The following ADAM12 variants were observed in gnomAD, a reference collection of about 807,000 sequenced individuals.
ADAM12 encodes the protein disintegrin and metalloproteinase domain-containing protein 12.
Under a neutral mutation model 106.4 loss-of-function variants are expected in ADAM12, and 70 were observed. The observed-to-expected ratio is 0.66, with a 90% CI of 0.54 to 0.80. ADAM12 has a LOEUF of 0.80. Ranked by LOEUF, ADAM12 falls within the 30% of genes least tolerant of loss-of-function variation. The pLI is 0.00. For synonymous variants in ADAM12, 420 were observed against 433.5 expected (o/e 0.97, Z 0.39); for missense variants, 1,010 against 1,171.9 (o/e 0.86, Z 2.02).
intron 1 of ADAM12, among the ~76,000 whole-genome samples, chr10:126,347,198 G>T (rs1165808711): frequency 6.6e-6 from 1 of 152,206 alleles, no homozygotes; most frequent in Non-Finnish European, 1.5e-5. Context: ...TCCTTCAGGA[G>T]CTCTTTTAGG....
intron 3 of ADAM12, among the ~76,000 whole-genome samples, chr10:126,211,431 A>G (rs1315069218): frequency 6.6e-6 from 1 of 152,216 alleles, no homozygotes; most frequent in African/African-American, 2.4e-5. Flanking sequence ...ACATATTCTC[A>G]AAGGAGAAAG....
At chr10:126,047,565 A>C (rs1878032) in intron 16 of ADAM12, among the ~76,000 whole-genome samples, 38,047 of 152,008 alleles carry the variant, frequency 0.25, 5,696 homozygotes, top group East Asian at 0.54. Flanking sequence ...GTCCAGATGC[A>C]CCTGGCCCTG....
chr10:126,294,450 A>T (rs1023575943), intron 2 of ADAM12, among the ~76,000 whole-genome samples: 8 of 152,204 alleles, frequency 5.3e-5, no homozygotes, highest in African/African-American at 1.9e-4. Context: ...AAAATGTCAC[A>T]GCATTTAAGG....
chr10:126,179,455 C>CT, intron 3 of ADAM12, among the ~76,000 whole-genome samples: 1 of 152,154 alleles, frequency 6.6e-6, no homozygotes, highest in East Asian at 1.9e-4. Flanking sequence ...GTAATGGCCA[C>CT]TCTGATAAAA....
At chr10:126,265,200 G>C (rs1482568579) in intron 3 of ADAM12, among the ~76,000 whole-genome samples, 1 of 152,180 alleles carries the variant, frequency 6.6e-6, no homozygotes, top group Non-Finnish European at 1.5e-5. Context: ...GAATACAGTG[G>C]CTACCCACTG....
At chr10:126,143,154 G>T (rs1036195869) in intron 4 of ADAM12, among the ~76,000 whole-genome samples, 3 of 150,998 alleles carry the variant, frequency 2.0e-5, no homozygotes, top group African/African-American at 7.3e-5. Context: ...GTGTATATAT[G>T]CACGTGTATA....
chr10:126,348,885 C>T (rs760309675), intron 1 of ADAM12, among the ~76,000 whole-genome samples: 6 of 152,096 alleles, frequency 3.9e-5, no homozygotes, highest in African/African-American at 7.2e-5. Context: ...GATATAATTA[C>T]GCTAAGAAAA....
chr10:126,129,095 G>A (rs1393882674), intron 5 of ADAM12, among the ~76,000 whole-genome samples: 1 of 152,256 alleles, frequency 6.6e-6, no homozygotes, highest in Non-Finnish European at 1.5e-5. Context: ...TAGCAAGTGA[G>A]CTTGGCTCAG....
At chr10:126,033,112 A>G (rs1953998032) in intron 21 of ADAM12, among the ~76,000 whole-genome samples, 2 of 152,232 alleles carry the variant, frequency 1.3e-5, no homozygotes, top group South Asian at 4.1e-4. Flanking sequence ...AATACAGTGA[A>G]CAGCAGTGGT....
chr10:126,143,426 T>C lies in ADAM12; in HGVS notation c.340-7766A>G, dbSNP rs190622470. ...TGGTGTGCAGATGTGTGAATGTGTG[T>C]ATATGTATGTGTGTATATGGTGTGC... On this transcript the variant is annotated intron_variant, in intron 4 of 22. Coordinates refer to ENST00000448723, the MANE Select transcript of ADAM12 (RefSeq NM_001288973.2). 7.2e-4 allele frequency among the ~76,000 whole-genome samples: 109 copies of C among 151,652 alleles called. 2 individuals carry two copies. The highest frequency in any genetic ancestry group is 6.8e-3 in the Middle Eastern group (2 of 292).
chr10:126,014,596 G>C lies in ADAM12; in HGVS notation c.*2683C>G, dbSNP rs898325463. On this transcript the variant is annotated 3_prime_UTR_variant, in exon 23 of 23. Transcript: ENST00000448723. Reference sequence around the variant, plus strand: ...GAGAATGTTAGGCTTCGTTTCCCTCGGTTGCTACACATCTGATTACATGTG... The same window carrying C: ...GAGAATGTTAGGCTTCGTTTCCCTCCGTTGCTACACATCTGATTACATGTG... 6.6e-6 allele frequency: 1 copy of C among 151,976 alleles called. No individual in the cohort carries two copies. Among genetic ancestry groups the C allele is most frequent in the East Asian group, 1.9e-4 (1 of 5,166 alleles). The allele number at this position is 151,976 out of a possible 1,614,324, so 9.4% of individuals were successfully genotyped here. A position where few individuals can be genotyped will look rare whatever the true frequency, so the allele number is the denominator to read the frequency against.
chr10:126,097,024 C>A (rs557042077), intron 10 of ADAM12, among the ~76,000 whole-genome samples: 3 of 152,312 alleles, frequency 2.0e-5, no homozygotes, highest in African/African-American at 4.8e-5. Flanking sequence ...GCCGCTTACT[C>A]TGGTGAGATG....
intron 21 of ADAM12, among the ~76,000 whole-genome samples, chr10:126,035,059 C>T (rs1314757311): frequency 1.3e-5 from 2 of 152,092 alleles, no homozygotes; most frequent in Admixed American, 6.6e-5. Context: ...CCAACATCTC[C>T]TCTTGGTAAC....
At chr10:126,020,291 C>T (rs187764574) in intron 21 of ADAM12, among the ~76,000 whole-genome samples, 36 of 152,330 alleles carry the variant, frequency 2.4e-4, no homozygotes, top group Admixed American at 1.8e-3. Context: ...CAGTCTGCCA[C>T]GTGCAGGCGC....
chr10:126,030,784 G>A (rs1242983652), intron 21 of ADAM12, among the ~76,000 whole-genome samples: 2 of 152,152 alleles, frequency 1.3e-5, no homozygotes, highest in African/African-American at 4.8e-5. Flanking sequence ...GGAAGTATTG[G>A]GTAGGTGGCA....
At chr10:126,287,557 A>G (rs1959928210) in intron 2 of ADAM12, among the ~76,000 whole-genome samples, 1 of 152,028 alleles carries the variant, frequency 6.6e-6, no homozygotes, top group Non-Finnish European at 1.5e-5. Context: ...TGTGCTTAGA[A>G]CAAAACCACG....
At chr10:126,228,343 A>G (rs1370825976) in intron 3 of ADAM12, among the ~76,000 whole-genome samples, 2 of 152,240 alleles carry the variant, frequency 1.3e-5, no homozygotes, top group Non-Finnish European at 2.9e-5. Flanking sequence ...CATTAAATGC[A>G]TGATTCCAAG....
intron 21 of ADAM12, among the ~76,000 whole-genome samples, chr10:126,031,170 A>G (rs973995390): frequency 6.6e-6 from 1 of 152,214 alleles, no homozygotes; most frequent in Admixed American, 6.5e-5. Context: ...TTTACCAGTT[A>G]TTAGCCTGTG....
At chr10:126,065,452 A>AATCAC (rs1297060792) in intron 13 of ADAM12, among the ~76,000 whole-genome samples, 15 of 152,210 alleles carry the variant, frequency 9.9e-5, no homozygotes, top group Admixed American at 9.8e-4. Flanking sequence ...TTAAGGTCAC[A>AATCAC]ATCACGATAG....
Sources: gnomAD v4.1 joint callset for allele counts (sites outside exome capture counted in the v4.1 genomes callset) on GRCh38, gnomAD v4.1.1 for gene constraint, MANE v1.5 for transcripts, NCBI Gene and HGNC (gene_info 2026-07-23, HGNC 2026-07-21) for gene names.